The following CNTN4 variants were observed in gnomAD, a reference collection of about 807,000 sequenced individuals.
CNTN4 encodes contactin 4, also known as contactin-4.
In CNTN4, 77 loss-of-function variants were observed where a neutral mutation model predicts 122.5. That is an observed-to-expected ratio of 0.63 (90% CI 0.52 to 0.76). The LOEUF (loss-of-function observed/expected upper bound fraction) is 0.76, where lower values mean the gene tolerates loss of function less well. CNTN4 is among the 30% of genes least tolerant of loss of function. The probability of loss-of-function intolerance (pLI) is 0.00; values close to 1 mark genes in which losing one functional copy is unlikely to be tolerated. For synonymous variants in CNTN4, 512 were observed against 447.0 expected (o/e 1.15, Z -1.83); for missense variants, 1,256 against 1,259.1 (o/e 1.00, Z 0.04).
chr3:2,159,744 T>A (rs1355527790), intron 2 of CNTN4, among the ~76,000 whole-genome samples: 3 of 152,160 alleles, frequency 2.0e-5, no homozygotes, highest in Non-Finnish European at 4.4e-5. Context: ...TCTAGTTTTA[T>A]TTTTAAAGTT....
At chr3:2,314,045 TTTTA>T (rs769397642) in intron 2 of CNTN4, among the ~76,000 whole-genome samples, 6 of 152,054 alleles carry the variant, frequency 3.9e-5, no homozygotes, top group African/African-American at 7.2e-5. Context: ...AATGTACTGT[TTTTA>T]TTTAATTTCA....
At chr3:2,793,490 C>T (rs9847255) in intron 6 of CNTN4, among the ~76,000 whole-genome samples, 62,281 of 151,722 alleles carry the variant, frequency 0.41, 13,116 homozygotes, top group African/African-American at 0.51. Flanking sequence ...CCCTTAATTA[C>T]GGATGTTTGC....
intron 2 of CNTN4, among the ~76,000 whole-genome samples, chr3:2,240,039 C>G (rs777376909): frequency 6.6e-6 from 1 of 152,062 alleles, no homozygotes; most frequent in Non-Finnish European, 1.5e-5. Context: ...AGTGGTTTTC[C>G]TTTCTGGATT....
intron 3 of CNTN4, among the ~76,000 whole-genome samples, chr3:2,527,632 C>T (rs996159742): frequency 2.0e-5 from 3 of 152,062 alleles, no homozygotes; most frequent in Non-Finnish European, 4.4e-5. Flanking sequence ...TACATAATAG[C>T]GAGCATTGAC....
chr3:2,520,622 C>T (rs2077179122), intron 3 of CNTN4, among the ~76,000 whole-genome samples: 1 of 151,872 alleles, frequency 6.6e-6, no homozygotes, highest in Non-Finnish European at 1.5e-5. Context: ...ATTAATTGGG[C>T]AAATAGAGGA....
chr3:3,009,647 A>G (rs1033233448), intron 14 of CNTN4, among the ~76,000 whole-genome samples: 1 of 151,900 alleles, frequency 6.6e-6, no homozygotes, highest in East Asian at 1.9e-4. Context: ...GTTAGCCAGG[A>G]TGGTCTCGAT....
chr3:2,887,339 G>A (rs17585924), intron 10 of CNTN4, 115 bp downstream of exon 10: 36,200 of 975,928 alleles, frequency 0.037, 809 homozygotes, highest in Middle Eastern at 0.09. Context: ...ATAGGACTGT[G>A]TGAAACTCAT....
chr3:2,722,005 C>G (rs535209670), intron 4 of CNTN4, among the ~76,000 whole-genome samples: 2 of 152,140 alleles, frequency 1.3e-5, no homozygotes, highest in Admixed American at 6.5e-5. Context: ...GTGGGCTTCA[C>G]CAGACACCAA....
In CNTN4 at chr3:2,841,744, C is replaced by T. The variant is rs1180437380; in HGVS notation, c.454+22163C>T. 6.6e-6 allele frequency among the ~76,000 whole-genome samples: 1 copy of T among 152,154 alleles called. No homozygotes were observed. The highest frequency in any genetic ancestry group is 2.4e-5 in the African/African-American group (1 of 41,438). ...TTGAAGTTATTAAAAATATGTTTCA[C>T]TCATGATAACATGATCATTTTCAGG... On this transcript the variant is annotated intron_variant, in intron 7 of 24. Transcript: ENST00000418658. The surrounding 1 kb of genome is among the most constrained non-coding windows in gnomAD (Gnocchi z 4.8).
intron 2 of CNTN4, among the ~76,000 whole-genome samples, chr3:2,260,456 G>C (rs977871140): frequency 6.6e-6 from 1 of 151,890 alleles, no homozygotes; most frequent in Non-Finnish European, 1.5e-5. Flanking sequence ...TCCAATTCAA[G>C]GTGTTATTAG....
intron 2 of CNTN4, among the ~76,000 whole-genome samples, chr3:2,314,752 GA>G (rs1277177828): frequency 6.6e-6 from 1 of 151,800 alleles, no homozygotes; most frequent in African/African-American, 2.4e-5. Context: ...AACAAAATGA[GA>G]AAAAATTTGC....
At chr3:2,585,755 G>T (rs957568143) in intron 4 of CNTN4, among the ~76,000 whole-genome samples, 10 of 151,414 alleles carry the variant, frequency 6.6e-5, no homozygotes, top group South Asian at 6.3e-4. Context: ...ACGTTAATGG[G>T]TGCAGCACAC....
chr3:2,640,545 G>T (rs563699625), intron 4 of CNTN4, among the ~76,000 whole-genome samples: 1 of 152,304 alleles, frequency 6.6e-6, no homozygotes, highest in South Asian at 2.1e-4. Context: ...AGAAAAGGAT[G>T]ATTGGGTAGT....
At chr3:2,167,664 T>G (rs1231765221) in intron 2 of CNTN4, among the ~76,000 whole-genome samples, 1 of 152,214 alleles carries the variant, frequency 6.6e-6, no homozygotes, top group Non-Finnish European at 1.5e-5. Flanking sequence ...CATAAGCTTT[T>G]TACCTTGTCA....
At chr3:2,769,821 G>A (rs1241072635) in intron 6 of CNTN4, among the ~76,000 whole-genome samples, 1 of 152,144 alleles carries the variant, frequency 6.6e-6, no homozygotes, top group African/African-American at 2.4e-5. Flanking sequence ...GCGGAGCCAA[G>A]GGTCTACAAC....
intron 4 of CNTN4, among the ~76,000 whole-genome samples, chr3:2,716,581 A>G (rs2087510277): frequency 6.6e-6 from 1 of 152,150 alleles, no homozygotes; most frequent in African/African-American, 2.4e-5. Context: ...AAAATTGGCT[A>G]TAATTATTAT....
chr3:2,877,624 G>A (rs975892655), intron 8 of CNTN4, among the ~76,000 whole-genome samples: 1 of 152,128 alleles, frequency 6.6e-6, no homozygotes, highest in African/African-American at 2.4e-5. Flanking sequence ...CCTTGGTTGT[G>A]TAGACCTGGG....
chr3:2,924,340 C>T (rs928422426), intron 12 of CNTN4, among the ~76,000 whole-genome samples: 11 of 151,682 alleles, frequency 7.3e-5, no homozygotes, highest in Non-Finnish European at 1.0e-4. Flanking sequence ...ACATAACACA[C>T]ACCTCAAGTT....
At chr3:2,295,737 C>G (rs1410780439) in intron 2 of CNTN4, among the ~76,000 whole-genome samples, 1 of 152,124 alleles carries the variant, frequency 6.6e-6, no homozygotes, top group Non-Finnish European at 1.5e-5. Flanking sequence ...GTGTTTTAGA[C>G]ATGAAGTCCT....
Sources: gnomAD v4.1 joint callset for allele counts (sites outside exome capture counted in the v4.1 genomes callset) on GRCh38, gnomAD v4.1.1 for gene constraint, Gnocchi (gnomAD v3.1) non-coding constraint, MANE v1.5 for transcripts, NCBI Gene and HGNC (gene_info 2026-07-23, HGNC 2026-07-21) for gene names.